TTC34: variants seen among roughly 807,000 people sequenced by gnomAD.
TTC34 encodes tetratricopeptide repeat protein 34.
A neutral mutation model predicts 40.7 loss-of-function variants in TTC34; 44 were observed. The ratio of observed to expected loss-of-function variants is 1.08; its 90% CI spans 0.85 to 1.39. The LOEUF (loss-of-function observed/expected upper bound fraction) is 1.39. Ranked by LOEUF, TTC34 falls within the 40% of genes most tolerant of loss-of-function variation. The pLI, the probability that TTC34 is intolerant of heterozygous loss-of-function variation, is 0.00. For missense variants in TTC34, 884 were observed against 838.0 expected (o/e 1.05, Z -0.68); for synonymous variants, 422 against 398.6 (o/e 1.06, Z -0.70).
intron 6 of TTC34, among the ~76,000 whole-genome samples, chr1:2,660,003 C>G (rs1639481918): frequency 6.6e-6 from 1 of 152,402 alleles, no homozygotes; most frequent in East Asian, 1.9e-4. Context: ...AGGTGAGCAT[C>G]TGACAGCCTG....
At chr1:2,773,236 C>G (rs202095844) in intron 6 of TTC34, among the ~76,000 whole-genome samples, 39 of 124,954 alleles carry the variant, frequency 3.1e-4, no homozygotes, top group East Asian at 6.0e-4. Context: ...GAGCATCTGA[C>G]AGCCTGGAGC....
intron 6 of TTC34, chr1:2,774,978 A>G (rs1642954934): frequency 9.5e-6 from 1 of 105,564 alleles, no homozygotes; most frequent in Non-Finnish European, 2.0e-5. Context: ...ATAAAACAGC[A>G]CCCTGCACCC....
chr1:2,764,173 A>T (rs1313160431), intron 6 of TTC34, among the ~76,000 whole-genome samples: 34 of 146,716 alleles, frequency 2.3e-4, no homozygotes, highest in African/African-American at 7.7e-4. Context: ...ATAAAACAGC[A>T]CCCTGCAACC....
At chr1:2,750,245 C>T (rs1430554303) in intron 6 of TTC34, among the ~76,000 whole-genome samples, 15 of 140,316 alleles carry the variant, frequency 1.1e-4, no homozygotes, top group South Asian at 2.4e-4. Context: ...CACCCACACC[C>T]ACAGGTGGGC....
At chr1:2,778,145 G>A (rs1643366189) in intron 6 of TTC34, among the ~76,000 whole-genome samples, 1 of 152,230 alleles carries the variant, frequency 6.6e-6, no homozygotes, top group Non-Finnish European at 1.5e-5. Context: ...CCCTGCAGCA[G>A]CAAGCATGGC....
At chr1:2,641,485 G>C in exon 9 of TTC34, 7 of 1,535,710 alleles carry the variant, frequency 4.6e-6, no homozygotes, top group Non-Finnish European at 5.2e-6. Flanking sequence ...AGGCCTCTGC[G>C]TGACGCTGCT....
At chr1:2,772,939 C>T (rs1385854723) in intron 6 of TTC34, among the ~76,000 whole-genome samples, 2 of 144,168 alleles carry the variant, frequency 1.4e-5, no homozygotes, top group Non-Finnish European at 1.5e-5. Flanking sequence ...CACCCATACC[C>T]CCAGGCGAGC....
chr1:2,749,551 G>T (rs1315413766), intron 6 of TTC34, among the ~76,000 whole-genome samples: 1 of 55,080 alleles, frequency 1.8e-5, no homozygotes, highest in Non-Finnish European at 3.2e-5. Flanking sequence ...AACGCAAATA[G>T]CAGCACCCAC....
intron 6 of TTC34, among the ~76,000 whole-genome samples, chr1:2,688,015 G>T (rs1460349681): frequency 1.9e-4 from 23 of 119,414 alleles, no homozygotes; most frequent in African/African-American, 8.8e-4. Context: ...ACCCCCAGGC[G>T]AGCATCTGAC....
intron 6 of TTC34, among the ~76,000 whole-genome samples, chr1:2,777,999 T>TGCA (rs950331899): frequency 5.9e-5 from 9 of 152,154 alleles, no homozygotes; most frequent in Non-Finnish European, 1.0e-4. Context: ...GTCTGTCCAG[T>TGCA]GCAGGAAAGG....
At chr1:2,751,353 G>A (rs1479891083) in intron 6 of TTC34, among the ~76,000 whole-genome samples, 43 of 82,858 alleles carry the variant, frequency 5.2e-4, no homozygotes, top group African/African-American at 9.5e-4. Context: ...GACAGCCTGG[G>A]TCGGCACCCA....
intron 1 of TTC34, 149 bp downstream of exon 1, chr1:2,801,428 G>C (rs1643772025): frequency 6.6e-6 from 1 of 152,270 alleles, no homozygotes; most frequent in South Asian, 2.1e-4. Context: ...CAGTTTTGAG[G>C]TTGAGGTTCC....
intron 4 of TTC34, 90 bp from the exon 5 acceptor site, chr1:2,786,113 C>T (rs943099000): frequency 6.7e-6 from 8 of 1,202,864 alleles, no homozygotes; most frequent in Non-Finnish European, 8.8e-6. Flanking sequence ...TCCCCCACCC[C>T]ACCCTCACTG....
At chr1:2,680,624 A>C (rs1212917412) in intron 6 of TTC34, among the ~76,000 whole-genome samples, 258 of 38,036 alleles carry the variant, frequency 6.8e-3, no homozygotes, top group East Asian at 0.02. Context: ...CCCCACACCC[A>C]CAGGTGAGCA....
intron 6 of TTC34, among the ~76,000 whole-genome samples, chr1:2,752,826 C>G: frequency 1.4e-5 from 2 of 147,204 alleles, no homozygotes; most frequent in Middle Eastern, 3.5e-3. Flanking sequence ...CCCAGGTGCG[C>G]ACCTGACAGA....
chr1:2,749,476 A>C (rs1641246966), intron 6 of TTC34, among the ~76,000 whole-genome samples: 2 of 108,382 alleles, frequency 1.8e-5, no homozygotes, highest in African/African-American at 4.2e-5. Flanking sequence ...CTGGAACAGC[A>C]CCCACATCCC....
chr1:2,695,053 A>AGCC (rs1640797824), intron 6 of TTC34, among the ~76,000 whole-genome samples: 1 of 143,558 alleles, frequency 7.0e-6, no homozygotes, highest in Non-Finnish European at 1.6e-5. Flanking sequence ...AGCATCTGAC[A>AGCC]CACTGAAACA....
In TTC34 at chr1:2,792,006, CTTTTTTT is replaced by C. The variant is rs376632144; in HGVS notation, c.785-1667_785-1661del. On this transcript the variant is annotated intron_variant, in intron 2 of 8. Coordinates refer to ENST00000401095, the Ensembl canonical transcript of TTC34. ...TGTTCAACTCTAGACTTGCCATATG[CTTTTTTT>C]TTTTTTTTTTTTTTTTTTTTAAAGA... is the stretch of plus-strand genomic sequence containing the variant. 1.3e-3 allele frequency among the ~76,000 whole-genome samples: 53 copies of C among 39,558 alleles called. 1 individual carries two copies. Among genetic ancestry groups the C allele is most frequent in the Middle Eastern group, 0.031 (1 of 32 alleles). The allele number at this position is 39,558 out of a possible 152,430, so 26.0% of individuals were successfully genotyped here.
intron 2 of TTC34, among the ~76,000 whole-genome samples, chr1:2,795,682 G>C (rs751922432): frequency 6.6e-6 from 1 of 152,194 alleles, no homozygotes; most frequent in Non-Finnish European, 1.5e-5. Flanking sequence ...GCTATGCTTT[G>C]TCACCTTTCC....
Sources: gnomAD v4.1 joint callset for allele counts (sites outside exome capture counted in the v4.1 genomes callset) on GRCh38, gnomAD v4.1.1 for gene constraint, MANE v1.5 for transcripts, NCBI Gene and HGNC (gene_info 2026-07-23, HGNC 2026-07-21) for gene names.